PRDX5: variants seen among roughly 807,000 people sequenced by gnomAD.
PRDX5 encodes peroxiredoxin-5, mitochondrial.
A neutral mutation model predicts 23.8 loss-of-function variants in PRDX5; 21 were observed. The observed-to-expected ratio is 0.88, with a 90% CI of 0.63 to 1.27. The LOEUF (loss-of-function observed/expected upper bound fraction) is 1.27, where lower values mean the gene tolerates loss of function less well. Among genes scored for constraint, PRDX5 ranks in the 50% most tolerant of loss-of-function variants. The probability of loss-of-function intolerance (pLI) is 0.00; values close to 1 mark genes in which losing one functional copy is unlikely to be tolerated. For synonymous variants in PRDX5, 111 were observed against 113.3 expected, an observed-to-expected ratio of 0.98 and a Z score of 0.13; for missense variants, 261 against 270.6, an observed-to-expected ratio of 0.96 and a Z score of 0.25.
intron 1 of PRDX5, 147 bp from the exon 2 acceptor site, chr11:64,319,587 G>A (rs1423219429): frequency 2.8e-6 from 3 of 1,072,258 alleles, no homozygotes; most frequent in Non-Finnish European, 4.0e-6. Flanking sequence ...GGCAGGGAGG[G>A]CCCTTGGAAA....
At chr11:64,321,434 C>A in intron 5 of PRDX5, 152 bp from the exon 6 acceptor site, 1 of 1,298,876 alleles carries the variant, frequency 7.7e-7, no homozygotes, top group South Asian at 1.4e-5. Flanking sequence ...GGAGAGAGTC[C>A]TGTGTGGTGG....
chr11:64,318,131 G>T lies in PRDX5; in HGVS notation c.-85G>T, dbSNP rs2035359015. 7 of 1,565,562 alleles carry T rather than the reference G, an allele frequency of 4.5e-6. No individual in the cohort carries two copies. In the East Asian group the frequency reaches 1.6e-4, roughly 37 times the overall value. On this transcript the variant is annotated 5_prime_UTR_variant, in exon 1 of 6. Transcript: ENST00000265462. ...GCGGCCCAGGCCCGCCTTCCGCAGG[G>T]TGTCGCCGCTGTGCCGCTAGCGGTG...
chr11:64,320,852 A>G lies in PRDX5; in HGVS notation c.439-13A>G. 1 of 1,614,064 alleles carries G rather than the reference A, an allele frequency of 6.2e-7. No individual in the cohort carries two copies. Among genetic ancestry groups the G allele is most frequent in the East Asian group, 2.2e-5 (1 of 44,874 alleles). On this transcript the variant is annotated splice_polypyrimidine_tract_variant and intron_variant, in intron 3 of 5. Coordinates refer to ENST00000265462, the MANE Select transcript of PRDX5 (RefSeq NM_012094.5). ...GTAGGATATTCTTCTTGTGACCTTT[A>G]CTTTCTCTGCAGGTTCGGCTCCTGG...
intron 1 of PRDX5, among the ~76,000 whole-genome samples, chr11:64,318,947 C>T (rs1339429284): frequency 6.6e-6 from 1 of 150,426 alleles, no homozygotes; most frequent in Admixed American, 6.6e-5. Flanking sequence ...TCCCTTAGCG[C>T]CCCCGCGGGG....
intron 5 of PRDX5, 83 bp downstream of exon 5, chr11:64,321,151 C>G: frequency 1.4e-6 from 2 of 1,476,944 alleles, no homozygotes; most frequent in East Asian, 2.3e-5. Context: ...GGAGAGGGTC[C>G]TCTGTGGGAA....
intron 1 of PRDX5, 27 bp from the exon 2 acceptor site, chr11:64,319,707 C>A (rs746775037): frequency 1.2e-6 from 2 of 1,608,122 alleles, no homozygotes; most frequent in African/African-American, 2.7e-5. Context: ...TCCCTCACCC[C>A]CCTTACCCTG....
intron 2 of PRDX5, 96 bp from the exon 3 acceptor site, chr11:64,320,565 G>A: frequency 6.7e-7 from 1 of 1,488,450 alleles, no homozygotes; most frequent in Non-Finnish European, 9.0e-7. Flanking sequence ...GATCAAAGGT[G>A]TTGAGGCAGA....
chr11:64,318,139 G>A lies in PRDX5; in HGVS notation c.-77G>A. 6.3e-7 allele frequency: 1 copy of A among 1,581,776 alleles called. No individual in the cohort carries two copies. The highest frequency in any genetic ancestry group is 2.3e-5 in the East Asian group (1 of 43,504). Reference sequence around the variant, plus strand: ...GGCCCGCCTTCCGCAGGGTGTCGCCGCTGTGCCGCTAGCGGTGCCCCGCCT... The same window carrying A: ...GGCCCGCCTTCCGCAGGGTGTCGCCACTGTGCCGCTAGCGGTGCCCCGCCT... On this transcript the variant is annotated 5_prime_UTR_variant, in exon 1 of 6. Coordinates refer to ENST00000265462, the MANE Select transcript of PRDX5 (RefSeq NM_012094.5).
Position 64,321,024 on chromosome 11 carries a change from A to G in PRDX5, c.495A>G (p.Leu165=), listed in dbSNP as rs778838311. 1.2e-6 allele frequency: 2 copies of G among 1,613,960 alleles called. No homozygotes were observed. Among genetic ancestry groups the G allele is most frequent in the Non-Finnish European group, 1.7e-6 (2 of 1,180,024 alleles). ...CTTCTTAGGAGACAGACTTATTACT[A>G]GATGATTCGCTGGTGTCCATCTTTG... The part of the protein sequence containing the change: ...GAFGKETDLL[L]DDSLVSIFGN... The change falls in exon 5 of 6, where the codon CTA becomes CTG. Residue 165 remains leucine, a synonymous_variant. Transcript: ENST00000265462.
In PRDX5 at chr11:64,321,720, C is replaced by A. The variant is rs1207098232; in HGVS notation, c.*29C>A. 13 of 1,543,286 alleles carry A rather than the reference C, an allele frequency of 8.4e-6. No individual in the cohort carries two copies. The East Asian group carries it at 2.9e-4, about 35-fold the overall frequency. ...CCTGGGCCAGATTACTTCCTCCACC[C>A]CTCCCTATCTCACCTGCCCAGCCCT... On this transcript the variant is annotated 3_prime_UTR_variant, in exon 6 of 6. Coordinates refer to ENST00000265462, the MANE Select transcript of PRDX5 (RefSeq NM_012094.5).
chr11:64,318,710 A>G (rs1448165191), intron 1 of PRDX5, among the ~76,000 whole-genome samples: 2 of 151,520 alleles, frequency 1.3e-5, no homozygotes, highest in African/African-American at 2.4e-5. Context: ...AAGCGATTCT[A>G]CTGCCTCAGC....
chr11:64,321,434 C>T, intron 5 of PRDX5, 152 bp from the exon 6 acceptor site: 1 of 1,298,878 alleles, frequency 7.7e-7, no homozygotes, highest in Non-Finnish European at 1.1e-6. Context: ...GGAGAGAGTC[C>T]TGTGTGGTGG....
Position 64,318,131 on chromosome 11 carries a change from G to A in PRDX5, c.-85G>A, listed in dbSNP as rs2035359015. On this transcript the variant is annotated 5_prime_UTR_variant, in exon 1 of 6. It adds an upstream start codon to the 5' untranslated region. Transcript: ENST00000265462. Reference sequence around the variant, plus strand: ...GCGGCCCAGGCCCGCCTTCCGCAGGGTGTCGCCGCTGTGCCGCTAGCGGTG... The same window carrying A: ...GCGGCCCAGGCCCGCCTTCCGCAGGATGTCGCCGCTGTGCCGCTAGCGGTG... 2 of 1,565,562 alleles carry A rather than the reference G, an allele frequency of 1.3e-6. No individual in the cohort carries two copies. Among genetic ancestry groups the A allele is most frequent in the South Asian group, 2.3e-5 (2 of 85,904 alleles).
chr11:64,321,474 G>A (rs534510461), intron 5 of PRDX5, 112 bp from the exon 6 acceptor site: 12 of 1,505,050 alleles, frequency 8.0e-6, no homozygotes, highest in Non-Finnish European at 1.1e-5. Context: ...AGTCCTCTGT[G>A]GGGGGAGTCC....
At chr11:64,321,115 G>C (rs1270485165) in intron 5 of PRDX5, 47 bp downstream of exon 5, 4 of 1,573,200 alleles carry the variant, frequency 2.5e-6, no homozygotes, top group Non-Finnish European at 3.5e-6. Context: ...GTGGGAGAGA[G>C]TCCTCTGTGG....
At position 64,321,060 on chromosome 11, in the gene PRDX5, T is replaced by C. The variant is rs1190383334; in HGVS notation, c.531T>C (p.Arg177=). The change falls in exon 5 of 6, where the codon CGT becomes CGC. Residue 177 remains arginine (R), a synonymous_variant. Coordinates refer to ENST00000265462, the MANE Select transcript of PRDX5 (RefSeq NM_012094.5). ...DSLVSIFGNR[R]LKRFSMVVQD... ...TGGTGTCCATCTTTGGGAATCGACG[T>C]CTCAAGAGGTAAAAGTGGAGAGTCC... 1 of 1,613,636 alleles carries C rather than the reference T, an allele frequency of 6.2e-7. No individual in the cohort carries two copies. Among genetic ancestry groups the C allele is most frequent in the East Asian group, 2.2e-5 (1 of 44,890 alleles).
At chr11:64,319,965 C>T in intron 2 of PRDX5, 97 bp downstream of exon 2, 1 of 1,481,914 alleles carries the variant, frequency 6.7e-7, no homozygotes, top group Non-Finnish European at 9.1e-7. Context: ...AAAAGCATTT[C>T]AGTGCCATCA....
At chr11:64,318,964 C>T (rs1444199506) in intron 1 of PRDX5, among the ~76,000 whole-genome samples, 1 of 151,288 alleles carries the variant, frequency 6.6e-6, no homozygotes, top group Non-Finnish European at 1.5e-5. Flanking sequence ...GGGGGCTTAC[C>T]CCATCCCACT....
At chr11:64,318,837 A>ACACCCCCCCCCCCCCCCC (rs2035403201) in intron 1 of PRDX5, among the ~76,000 whole-genome samples, 1 of 77,416 alleles carries the variant, frequency 1.3e-5, no homozygotes, top group Non-Finnish European at 2.6e-5. Flanking sequence ...CCTCAGGTGA[A>ACACCCCCCCCCCCCCCCC]CCCCCCCCGC....
Sources: gnomAD v4.1 joint callset for allele counts (sites outside exome capture counted in the v4.1 genomes callset) on GRCh38, gnomAD v4.1.1 for gene constraint, MANE v1.5 for transcripts, NCBI Gene and HGNC (gene_info 2026-07-23, HGNC 2026-07-21) for gene names.